RGPD8: variants seen among roughly 807,000 people sequenced by gnomAD.
RGPD8 encodes the protein RANBP2 like and GRIP domain containing 8, also known as RANBP2-like and GRIP domain-containing protein 8.
A neutral mutation model predicts 89.1 loss-of-function variants in RGPD8; 15 were observed. That is an observed-to-expected ratio of 0.17 (90% CI 0.11 to 0.26). RGPD8 has a LOEUF of 0.26. Among genes scored for constraint, RGPD8 ranks in the 10% least tolerant of loss-of-function variants. The pLI is 1.00. For missense variants in RGPD8, 178 were observed against 1,179.6 expected (o/e 0.15, Z 12.44); for synonymous variants, 62 against 420.9 (o/e 0.15, Z 10.44).
At chr2:112,374,766 A>G (rs1480135276) in intron 22 of RGPD8, among the ~76,000 whole-genome samples, 1 of 139,824 alleles carries the variant, frequency 7.2e-6, no homozygotes, top group Non-Finnish European at 1.6e-5. Flanking sequence ...GATTAGTAAA[A>G]ACATGTTTGA....
chr2:112,419,311 CTCCTT>C (rs1318295228), intron 4 of RGPD8, among the ~76,000 whole-genome samples: 4 of 106,090 alleles, frequency 3.8e-5, no homozygotes, highest in Admixed American at 1.0e-4. Flanking sequence ...ATTCCCCTCT[CTCCTT>C]TATCAATTTC....
intron 1 of RGPD8, among the ~76,000 whole-genome samples, chr2:112,425,648 T>C (rs916429293): frequency 2.0e-5 from 3 of 151,118 alleles, no homozygotes; most frequent in African/African-American, 7.3e-5. Context: ...TAATCCCCGC[T>C]GCTTGGGAGG....
At position 112,390,061 on chromosome 2, in the gene RGPD8, A is replaced by C. The variant is rs764808381; in HGVS notation, c.2884T>G (p.Phe962Val). 1.3e-5 allele frequency: 21 copies of C among 1,574,542 alleles called. 2 individuals are homozygous for C. Among genetic ancestry groups the C allele is most frequent in the Non-Finnish European group, 1.8e-5 (21 of 1,152,616 alleles). ...GTAAAAGTGCTACTTGTTTGGCCAA[A>C]AATCACACCACGGCCCTTCTTCCGG... ...RGRKKGRGVIFGQTSSTFTFA... is the reference protein window; with the variant it reads ...RGRKKGRGVIVGQTSSTFTFA... Residue 962 changes from phenylalanine (F) to valine (V), a missense_variant, in exon 20 of 23, where the codon TTT becomes GTT. Physicochemically the swap from Phe to Val is conservative, Grantham distance 50. Coordinates refer to ENST00000302558, the MANE Select transcript of RGPD8 (RefSeq NM_001164463.1).
intron 1 of RGPD8, among the ~76,000 whole-genome samples, chr2:112,425,334 C>T (rs1376631846): frequency 4.8e-4 from 72 of 150,170 alleles, no homozygotes; most frequent in African/African-American, 1.7e-3. Flanking sequence ...ATGTACTGTT[C>T]TCTCTACAGA....
intron 20 of RGPD8, among the ~76,000 whole-genome samples, chr2:112,384,879 CTATT>C (rs1417878842): frequency 1.6e-5 from 2 of 127,702 alleles, no homozygotes; most frequent in African/African-American, 6.0e-5. Context: ...AACACAGAAT[CTATT>C]TAAAACCAAA....
intron 1 of RGPD8, among the ~76,000 whole-genome samples, chr2:112,427,091 G>T (rs62157481): frequency 1.3e-5 from 2 of 151,444 alleles, no homozygotes; most frequent in Non-Finnish European, 2.9e-5. Context: ...CACCGAGCCC[G>T]GCCAGTTCCC....
At position 112,390,139 on chromosome 2, in the gene RGPD8, T is replaced by A; in HGVS notation, c.2806A>T (p.Arg936Trp). 1 of 1,602,990 alleles carries A rather than the reference T, an allele frequency of 6.2e-7. No homozygotes were observed. Among genetic ancestry groups the A allele is most frequent in the Non-Finnish European group, 8.5e-7 (1 of 1,175,774 alleles). The change falls in exon 20 of 23, where the codon AGG becomes TGG. Residue 936 changes from arginine (R) to tryptophan (W), a missense_variant. Transcript: ENST00000302558. ...ISEPGNQEKK[R>W]EKPLENDTGL... is the part of the protein sequence containing the mutation. ...GTATCATTTTCAAGAGGCTTTTCCC[T>A]TTTCTTTTCTTGATTTCCTGGTTCC...
At chr2:112,429,111 A>C (rs908566615) in intron 1 of RGPD8, among the ~76,000 whole-genome samples, 1 of 151,832 alleles carries the variant, frequency 6.6e-6, no homozygotes, top group Non-Finnish European at 1.5e-5. Context: ...GGAGGAGCAT[A>C]ATAGCCAGTA....
In RGPD8 at chr2:112,433,508, A is replaced by G; in HGVS notation, c.-55T>C. 6.4e-7 allele frequency: 1 copy of G among 1,550,802 alleles called. No homozygotes were observed. Among genetic ancestry groups the G allele is most frequent in the South Asian group, 1.1e-5 (1 of 87,134 alleles). ...TGCGAGCACCGCTCAGCCCCGCAGC[A>G]GTCGCCACTTCCAAGAGGAAAGTGC... On this transcript the variant is annotated 5_prime_UTR_variant, in exon 1 of 23. Coordinates refer to ENST00000302558, the MANE Select transcript of RGPD8 (RefSeq NM_001164463.1).
At chr2:112,379,084 C>A (rs1678183591) in intron 21 of RGPD8, among the ~76,000 whole-genome samples, 1 of 125,576 alleles carries the variant, frequency 8.0e-6, no homozygotes, top group Non-Finnish European at 1.7e-5. Context: ...ATGTAAAACA[C>A]TATCAGAGAA....
chr2:112,431,524 T>C (rs545885985), intron 1 of RGPD8, among the ~76,000 whole-genome samples: 1 of 152,292 alleles, frequency 6.6e-6, no homozygotes, highest in South Asian at 2.1e-4. Context: ...CTTAAATCTC[T>C]ACAGGTCTCA....
intron 7 of RGPD8, among the ~76,000 whole-genome samples, chr2:112,411,514 T>G (rs1416660930): frequency 3.1e-5 from 1 of 32,530 alleles, no homozygotes; most frequent in East Asian, 1.1e-3. Context: ...GAGCTTGCAG[T>G]GAGCCGAGAT....
chr2:112,374,912 G>T (rs1678078836), intron 22 of RGPD8, among the ~76,000 whole-genome samples: 1 of 139,286 alleles, frequency 7.2e-6, no homozygotes, highest in Middle Eastern at 3.3e-3. Flanking sequence ...GCTTGGGCTG[G>T]AGTGCAATGG....
chr2:112,370,770 G>A (rs1677943817), intron 22 of RGPD8, among the ~76,000 whole-genome samples: 1 of 141,798 alleles, frequency 7.1e-6, no homozygotes, highest in Non-Finnish European at 1.5e-5. Context: ...TTCTATTTTA[G>A]CTTTAAAACA....
intron 6 of RGPD8, among the ~76,000 whole-genome samples, chr2:112,416,088 CAAAAAAAAAAA>C (rs1168507298): frequency 3.4e-5 from 3 of 88,912 alleles, no homozygotes; most frequent in South Asian, 4.4e-4. Flanking sequence ...GACTCCATCT[CAAAAAAAAAAA>C]AAAAAAAAAA....
rs546932157 is a variant in RGPD8 at position 112,433,394 on chromosome 2, C to G, written c.60G>C (p.Pro20=). The G allele has an allele frequency of 1.9e-6, 3 of 1,610,208 alleles. No homozygotes were observed. Among genetic ancestry groups the G allele is most frequent in the African/African-American group, 1.3e-5 (1 of 74,584 alleles). Residue 20 remains proline (P), a synonymous_variant, in exon 1 of 23, where the codon CCG becomes CCC. Coordinates refer to ENST00000302558, the MANE Select transcript of RGPD8 (RefSeq NM_001164463.1). ...CAGACCCACTCACCTGTCGAGGCGA[C>G]GGGGTGAGACCCAGCACCGAGGCGA... is the stretch of plus-strand genomic sequence containing the variant. ...RYVASVLGLT[P]SPRQKSMKGF...
intron 22 of RGPD8, among the ~76,000 whole-genome samples, chr2:112,374,859 T>TTC (rs1491449132): frequency 9.0e-5 from 1 of 11,074 alleles, no homozygotes; most frequent in African/African-American, 7.9e-4. Flanking sequence ...GTTTACATTC[T>TTC]TTTTTTTTTT....
chr2:112,374,321 T>C (rs1573987058), intron 22 of RGPD8, among the ~76,000 whole-genome samples: 1 of 152,158 alleles, frequency 6.6e-6, no homozygotes, highest in Admixed American at 6.5e-5. Flanking sequence ...CCTTTGCATG[T>C]CTTTCTTTCT....
At position 112,387,345 on chromosome 2, in the gene RGPD8, TTTTTTTG is replaced by T. The variant is rs1157268418; in HGVS notation, c.4921+672_4921+678del. Among the ~76,000 whole-genome samples, 53 of 122,522 alleles carry T rather than the reference TTTTTTTG, an allele frequency of 4.3e-4. 1 individual carries two copies. Among genetic ancestry groups the T allele is most frequent in the East Asian group, 3.6e-3 (17 of 4,772 alleles). The allele number at this position is 122,522 out of a possible 152,430, so 80.4% of individuals were successfully genotyped here. ...AATGAGAACATCTCAATATCATGTT[TTTTTTTG>T]TTTTTTGTTTTTTGTTTTTTTTGGA... On this transcript the variant is annotated intron_variant, in intron 20 of 22. Transcript: ENST00000302558.
Sources: gnomAD v4.1 joint callset for allele counts (sites outside exome capture counted in the v4.1 genomes callset) on GRCh38, gnomAD v4.1.1 for gene constraint, MANE v1.5 for transcripts, NCBI Gene and HGNC (gene_info 2026-07-23, HGNC 2026-07-21) for gene names.